Variants in PDE7B observed in about 807,000 individuals in gnomAD.
The protein encoded by PDE7B is phosphodiesterase 7B, also known as 3',5'-cyclic-AMP phosphodiesterase 7B.
A neutral mutation model predicts 56.2 loss-of-function variants in PDE7B; 29 were observed. The ratio of observed to expected loss-of-function variants is 0.52; its 90% CI spans 0.38 to 0.70. The LOEUF (loss-of-function observed/expected upper bound fraction) is 0.70. Ranked by LOEUF, PDE7B falls within the 30% of genes least tolerant of loss-of-function variation. The probability of loss-of-function intolerance (pLI) is 0.00; values close to 1 mark genes in which losing one functional copy is unlikely to be tolerated. For missense variants in PDE7B, 490 were observed against 565.0 expected (o/e 0.87, Z 1.35); for synonymous variants, 197 against 196.9 (o/e 1.00, Z 0.00).
At chr6:135,924,617 C>CTTTTTTTTTTTTTTTTTT (rs3037775) in intron 1 of PDE7B, among the ~76,000 whole-genome samples, 1 of 49,582 alleles carries the variant, frequency 2.0e-5, no homozygotes, top group Non-Finnish European at 3.4e-5. Context: ...CTCTCTCTCT[C>CTTTTTTTTTTTTTTTTTT]TTTTTTTTTT....
chr6:135,923,967 A>G (rs1055426979), intron 1 of PDE7B, among the ~76,000 whole-genome samples: 1 of 152,196 alleles, frequency 6.6e-6, no homozygotes, highest in Non-Finnish European at 1.5e-5. Flanking sequence ...ATTAAACTTC[A>G]CTAGTAATCT....
rs1456440708 is a variant in PDE7B at position 136,147,400 on chromosome 6, A to G, written c.216A>G (p.Leu72=). 2.5e-6 allele frequency: 4 copies of G among 1,613,040 alleles called. No homozygotes were observed. Among genetic ancestry groups the G allele is most frequent in the Non-Finnish European group, 3.4e-6 (4 of 1,178,996 alleles). Residue 72 remains leucine, a synonymous_variant, in exon 4 of 13, where the codon CTA becomes CTG. Coordinates refer to ENST00000308191, the MANE Select transcript of PDE7B (RefSeq NM_018945.4). ...EIGTKKKVKR[L]LSFQRYFHAS... is the part of the protein sequence containing the mutation. Reference sequence around the variant, plus strand: ...GCACCAAGAAAAAGGTGAAAAGACTATTAAGCTTTCAAAGATACTTCCATG... The same window carrying G: ...GCACCAAGAAAAAGGTGAAAAGACTGTTAAGCTTTCAAAGATACTTCCATG...
intron 2 of PDE7B, among the ~76,000 whole-genome samples, chr6:135,976,259 C>A (rs1220109366): frequency 4.6e-5 from 7 of 152,154 alleles, no homozygotes; most frequent in African/African-American, 1.7e-4. Flanking sequence ...AAGCAGCATT[C>A]TCCACAGTTC....
At chr6:136,093,640 C>T (rs1442244363) in intron 2 of PDE7B, among the ~76,000 whole-genome samples, 1 of 152,132 alleles carries the variant, frequency 6.6e-6, no homozygotes, top group African/African-American at 2.4e-5. Flanking sequence ...AACACATAGG[C>T]CCTAGGAGAG....
At chr6:135,990,284 C>T (rs1449554098) in intron 2 of PDE7B, among the ~76,000 whole-genome samples, 5 of 151,938 alleles carry the variant, frequency 3.3e-5, no homozygotes, top group South Asian at 4.2e-4. Flanking sequence ...TTAGTAGAGA[C>T]GGGGTTTCAC....
At chr6:135,986,853 G>C (rs1283929846) in intron 2 of PDE7B, among the ~76,000 whole-genome samples, 1 of 152,218 alleles carries the variant, frequency 6.6e-6, no homozygotes, top group African/African-American at 2.4e-5. Flanking sequence ...GTTTTGAGAA[G>C]AGACTGAAAT....
chr6:135,963,955 C>G (rs1774949088), intron 2 of PDE7B, among the ~76,000 whole-genome samples: 1 of 152,100 alleles, frequency 6.6e-6, no homozygotes, highest in Admixed American at 6.5e-5. Flanking sequence ...TGTTCAGGGA[C>G]AGCATCCTGT....
intron 1 of PDE7B, among the ~76,000 whole-genome samples, chr6:135,923,442 G>GTAAAA (rs1369665180): frequency 6.6e-6 from 1 of 152,174 alleles, no homozygotes; most frequent in East Asian, 1.9e-4. Context: ...GACACTAAGT[G>GTAAAA]ATTTGTATTA....
intron 1 of PDE7B, among the ~76,000 whole-genome samples, chr6:135,915,043 A>C (rs567719570): frequency 6.6e-6 from 1 of 151,870 alleles, no homozygotes; most frequent in South Asian, 2.1e-4. Flanking sequence ...CAGTGAGCCA[A>C]TATTGTACTA....
At chr6:135,989,633 A>G (rs1775445904) in intron 2 of PDE7B, among the ~76,000 whole-genome samples, 1 of 152,096 alleles carries the variant, frequency 6.6e-6, no homozygotes, top group South Asian at 2.1e-4. Context: ...TAATAATAAT[A>G]ATAATAAATT....
At chr6:136,111,778 C>G (rs78754196) in intron 3 of PDE7B, among the ~76,000 whole-genome samples, 2 of 152,270 alleles carry the variant, frequency 1.3e-5, no homozygotes, top group Non-Finnish European at 2.9e-5. Flanking sequence ...CATTCTTATT[C>G]TACACTGTAA....
chr6:135,859,061 A>G (rs562942813), intron 1 of PDE7B, among the ~76,000 whole-genome samples: 5 of 137,356 alleles, frequency 3.6e-5, no homozygotes, highest in Non-Finnish European at 6.5e-5. Flanking sequence ...CCAGGAGAGA[A>G]AAAAAAAAAA....
At chr6:136,046,439 G>A (rs11154850) in intron 2 of PDE7B, 41,232 of 152,006 alleles carry the variant, frequency 0.27, 6,127 homozygotes, top group East Asian at 0.43. Flanking sequence ...GTCTCTTCTC[G>A]ATTACTTCTT....
At position 136,172,731 on chromosome 6, in the gene PDE7B, T is replaced by C. The variant is rs1778910917; in HGVS notation, c.712-1066T>C. Among the ~76,000 whole-genome samples the C allele has an allele frequency of 2.0e-5, 3 of 152,030 alleles. No homozygotes were observed. The South Asian group carries it at 6.2e-4, about 32-fold the overall frequency. ...GCCCATGCCTATGTCCTGAATGGTA[T>C]TGCCTAGGTTTTCTTCTAGGGTTTT... On this transcript the variant is annotated intron_variant, in intron 8 of 12. Coordinates refer to ENST00000308191, the MANE Select transcript of PDE7B (RefSeq NM_018945.4).
At position 136,173,656 on chromosome 6, in the gene PDE7B, G is replaced by T. The variant is rs202072471; in HGVS notation, c.712-141G>T. On this transcript the variant is annotated intron_variant, in intron 8 of 12. Coordinates refer to ENST00000308191, the MANE Select transcript of PDE7B (RefSeq NM_018945.4). ...GACCTCATGGTTGTTTTATCTTTTG[G>T]GTTTTTTTTTCCTGGTCTGCCTCTG... The T allele has an allele frequency of 1.7e-4, 106 of 620,838 alleles. No homozygotes were observed. In the East Asian group the frequency reaches 2.5e-3, roughly 15 times the overall value. The allele number at this position is 620,838 out of a possible 1,614,324, so 38.5% of individuals were successfully genotyped here. A position where few individuals can be genotyped will look rare whatever the true frequency, so the allele number is the denominator to read the frequency against.
chr6:136,155,784 C>T, intron 8 of PDE7B, 26 bp downstream of exon 8: 1 of 1,612,350 alleles, frequency 6.2e-7, no homozygotes, highest in Non-Finnish European at 8.5e-7. Context: ...CTGGAGCCAG[C>T]CACAGTATGG....
At chr6:136,118,474 C>A (rs756908368) in intron 3 of PDE7B, among the ~76,000 whole-genome samples, 7 of 152,146 alleles carry the variant, frequency 4.6e-5, no homozygotes, top group Non-Finnish European at 7.4e-5. Flanking sequence ...TATATCTATG[C>A]TTTGCACAGT....
intron 2 of PDE7B, among the ~76,000 whole-genome samples, chr6:135,978,048 C>T (rs185992832): frequency 2.4e-4 from 36 of 152,164 alleles, no homozygotes; most frequent in African/African-American, 6.5e-4. Flanking sequence ...CTTAACTGTG[C>T]GGATACATTC....
rs567264016 is a variant in PDE7B at position 136,079,606 on chromosome 6, T to C, written c.83-29125T>C. Among the ~76,000 whole-genome samples, 6 of 151,704 alleles carry C rather than the reference T, an allele frequency of 4.0e-5. No individual in the cohort carries two copies. The South Asian group carries it at 1.2e-3, about 32-fold the overall frequency. On this transcript the variant is annotated intron_variant, in intron 2 of 12. Transcript: ENST00000308191. ...CACTTAAAGACTGAGGTTTTATTTATACACCTGAGTTTTCCAAGCACTTTT... is the reference window on the plus strand; with the variant it reads ...CACTTAAAGACTGAGGTTTTATTTACACACCTGAGTTTTCCAAGCACTTTT...
Sources: allele counts gnomAD v4.1 joint callset (sites outside exome capture counted in the v4.1 genomes callset), GRCh38; gene constraint gnomAD v4.1.1; transcripts MANE v1.5; gene names NCBI Gene and HGNC (gene_info 2026-07-23, HGNC 2026-07-21).